The following SLC39A10 variants were observed in gnomAD, a reference collection of about 807,000 sequenced individuals.
The protein encoded by SLC39A10 is zinc transporter ZIP10.
In SLC39A10, 13 loss-of-function variants were observed where a neutral mutation model predicts 65.1. That is an observed-to-expected ratio of 0.20 (90% CI 0.13 to 0.32). SLC39A10 has a LOEUF of 0.32. Ranked by LOEUF, SLC39A10 falls within the 10% of genes least tolerant of loss-of-function variation. The pLI is 1.00. For synonymous variants in SLC39A10, 321 were observed against 342.2 expected, an observed-to-expected ratio of 0.94 and a Z score of 0.68; for missense variants, 831 against 1,018.4, an observed-to-expected ratio of 0.82 and a Z score of 2.50.
chr2:195,639,781 G>T (rs1373047155), intron 2 of SLC39A10, among the ~76,000 whole-genome samples: 2 of 152,028 alleles, frequency 1.3e-5, no homozygotes, highest in African/African-American at 4.8e-5. Context: ...TCGCCATATT[G>T]CCCAAGCTGG....
At chr2:195,730,403 C>T (rs1482557689) in intron 9 of SLC39A10, among the ~76,000 whole-genome samples, 1 of 152,170 alleles carries the variant, frequency 6.6e-6, no homozygotes, top group Non-Finnish European at 1.5e-5. Context: ...GATCGCAGCT[C>T]ACTACAACCT....
intron 1 of SLC39A10, among the ~76,000 whole-genome samples, chr2:195,674,029 T>C (rs1689980475): frequency 6.6e-6 from 1 of 152,192 alleles, no homozygotes; most frequent in South Asian, 2.1e-4. Context: ...TCTTGCTACA[T>C]GAATATATAC....
intron 1 of SLC39A10, among the ~76,000 whole-genome samples, chr2:195,660,867 G>A (rs981730339): frequency 2.0e-5 from 3 of 152,026 alleles, no homozygotes; most frequent in Non-Finnish European, 2.9e-5. Context: ...ATATAACTTT[G>A]TATTGCTTTG....
intron 2 of SLC39A10, among the ~76,000 whole-genome samples, chr2:195,644,974 A>T (rs1004309565): frequency 6.6e-6 from 1 of 151,630 alleles, no homozygotes; most frequent in African/African-American, 2.4e-5. Flanking sequence ...CAATGGCGTG[A>T]TCTCGGCTCA....
chr2:195,691,140 A>G (rs1690725800), intron 3 of SLC39A10, among the ~76,000 whole-genome samples: 2 of 152,206 alleles, frequency 1.3e-5, no homozygotes, highest in Admixed American at 6.5e-5. Context: ...ACTTAGAATA[A>G]TAGTCTCCAA....
chr2:195,630,924 C>T (rs763125601), intron 2 of SLC39A10, among the ~76,000 whole-genome samples: 4 of 152,164 alleles, frequency 2.6e-5, no homozygotes, highest in Non-Finnish European at 4.4e-5. Context: ...TGCGGTGGCT[C>T]ATGCCTGTAA....
intron 3 of SLC39A10, among the ~76,000 whole-genome samples, chr2:195,703,894 C>A (rs1360736045): frequency 6.6e-6 from 1 of 152,110 alleles, no homozygotes; most frequent in African/African-American, 2.4e-5. Context: ...CCTTAATCAG[C>A]CTGTCTGCCT....
intron 2 of SLC39A10, among the ~76,000 whole-genome samples, chr2:195,630,323 A>G (rs1022590786): frequency 6.6e-6 from 1 of 151,976 alleles, no homozygotes; most frequent in Admixed American, 6.6e-5. Flanking sequence ...ATTATAAAGG[A>G]TACAGATGAA....
chr2:195,699,914 T>TTTGTA (rs1417698353), intron 3 of SLC39A10, among the ~76,000 whole-genome samples: 1 of 152,166 alleles, frequency 6.6e-6, no homozygotes, highest in Non-Finnish European at 1.5e-5. Flanking sequence ...CAGTTTTTGT[T>TTTGTA]TTGTATATTT....
At chr2:195,678,588 T>G (rs1221062378) in intron 1 of SLC39A10, among the ~76,000 whole-genome samples, 1 of 151,288 alleles carries the variant, frequency 6.6e-6, no homozygotes, top group Non-Finnish European at 1.5e-5. Context: ...TGGATGTCTC[T>G]TGATGAAACA....
chr2:195,683,609 T>C, intron 2 of SLC39A10, 90 bp from the exon 3 acceptor site: 2 of 936,404 alleles, frequency 2.1e-6, no homozygotes, highest in South Asian at 3.2e-5. Context: ...GCAAGTAATA[T>C]TTAGAGTATT....
chr2:195,666,728 C>T (rs1164903618), intron 1 of SLC39A10, among the ~76,000 whole-genome samples: 1 of 152,162 alleles, frequency 6.6e-6, no homozygotes, highest in African/African-American at 2.4e-5. Context: ...TCCCAAAGTG[C>T]TGGGATTACA....
At chr2:195,713,595 T>G (rs772884784) in intron 6 of SLC39A10, 42 bp downstream of exon 6, 1 of 1,542,872 alleles carries the variant, frequency 6.5e-7, no homozygotes. Flanking sequence ...TTTTCTTTTT[T>G]TTTTTTCATT....
At chr2:195,648,901 C>T (rs1419048229) in intron 2 of SLC39A10, among the ~76,000 whole-genome samples, 1 of 151,828 alleles carries the variant, frequency 6.6e-6, no homozygotes, top group Admixed American at 6.6e-5. Flanking sequence ...TAAATAATAC[C>T]GCTTCATGTG....
rs1404150269 is a variant in SLC39A10, at chr2:195,681,028, A to G, written c.986A>G (p.Asn329Ser). 1.2e-6 allele frequency: 2 copies of G among 1,610,044 alleles called. No homozygotes were observed. The highest frequency in any genetic ancestry group is 2.2e-5 in the East Asian group (1 of 44,790). Residue 329 changes from asparagine (N) to serine (S), a missense_variant, in exon 2 of 10, where the codon AAT (asparagine) becomes AGT (serine). By Grantham distance (46) the Asn-to-Ser change is conservative (BLOSUM62 1). Transcript: ENST00000359634. ...NAIISLRKDL[N>S]EDDHHHECLN... Reference sequence around the variant, plus strand: ...ATAATTTCTTTGAGAAAAGATCTAAATGAAGATGACCATCATCATGAAGTA... The same window carrying G: ...ATAATTTCTTTGAGAAAAGATCTAAGTGAAGATGACCATCATCATGAAGTA...
upstream of SLC39A10, chr2:195,656,641 C>T (rs1689150247): frequency 6.6e-6 from 1 of 152,172 alleles, no homozygotes; most frequent in African/African-American, 2.4e-5. Flanking sequence ...GCACTTAGCA[C>T]TAAATAAAGT....
chr2:195,662,331 A>C (rs532939676), intron 1 of SLC39A10, among the ~76,000 whole-genome samples: 1 of 149,286 alleles, frequency 6.7e-6, no homozygotes, highest in East Asian at 2.0e-4. Flanking sequence ...TGCAGTGGTG[A>C]GATCAGGGCT....
Position 195,734,983 on chromosome 2 carries a change from C to T in SLC39A10, c.2438C>T (p.Ala813Val). The T allele has an allele frequency of 6.2e-7, 1 of 1,613,740 alleles. No individual in the cohort carries two copies. The highest frequency in any genetic ancestry group is 1.3e-5 in the African/African-American group (1 of 74,974). Residue 813 changes from alanine (A) to valine (V), a missense_variant, in exon 10 of 10, where the codon GCC becomes GTC. Ala to Val is a moderately conservative substitution (Grantham distance 64). This residue lies in a region of SLC39A10 where 120 missense variants were observed against 203.9 expected (regional missense o/e 0.59). Coordinates refer to ENST00000359634, the MANE Select transcript of SLC39A10 (RefSeq NM_020342.3). ...AATTTAGGATTGCTCTTTGGATTTG[C>T]CATTATGCTGGTGATTGCCCTCTAT... ...LQNLGLLFGFAIMLVIALYED... is the reference protein window; with the variant it reads ...LQNLGLLFGFVIMLVIALYED...
chr2:195,701,375 T>G (rs1031618357), intron 3 of SLC39A10, among the ~76,000 whole-genome samples: 2 of 150,402 alleles, frequency 1.3e-5, no homozygotes, highest in African/African-American at 4.9e-5. Flanking sequence ...GACAGTTGTT[T>G]TAAAGTCATT....
Sources: allele counts gnomAD v4.1 joint callset (sites outside exome capture counted in the v4.1 genomes callset), GRCh38; gene constraint gnomAD v4.1.1; regional missense constraint gnomAD v4.1.1; transcripts MANE v1.5; gene names NCBI Gene and HGNC (gene_info 2026-07-23, HGNC 2026-07-21).